The following ARB2A variants were observed in gnomAD, a reference collection of about 807,000 sequenced individuals.
The protein encoded by ARB2A is ARB2 cotranscriptional regulator A, also known as cotranscriptional regulator ARB2A.
the ARB2A span, among the ~76,000 whole-genome samples, chr5:93,634,378 G>C: frequency 6.7e-6 from 1 of 149,676 alleles, no homozygotes; most frequent in Non-Finnish European, 1.5e-5. Flanking sequence ...CCAGCCTGGT[G>C]AGAGTGAGAC....
the ARB2A span, among the ~76,000 whole-genome samples, chr5:93,949,902 C>A: frequency 3.3e-5 from 5 of 152,078 alleles, no homozygotes; most frequent in African/African-American, 9.7e-5. Context: ...TCAATAAATT[C>A]TCAGTTTTAT....
chr5:93,827,055 T>C, the ARB2A span, among the ~76,000 whole-genome samples: 7 of 152,214 alleles, frequency 4.6e-5, no homozygotes, highest in South Asian at 1.2e-3. Flanking sequence ...GCAATAAACA[T>C]ACAAGTGCAT....
At chr5:94,081,091 T>G in the ARB2A span, among the ~76,000 whole-genome samples, 1 of 152,222 alleles carries the variant, frequency 6.6e-6, no homozygotes. Context: ...AGATGCTCAA[T>G]ATCATTAGTC....
chr5:93,929,996 C>T, the ARB2A span, among the ~76,000 whole-genome samples: 1 of 152,136 alleles, frequency 6.6e-6, no homozygotes, highest in Non-Finnish European at 1.5e-5. Flanking sequence ...AAATGACACT[C>T]ACTTCAGCGC....
the ARB2A span, among the ~76,000 whole-genome samples, chr5:93,631,885 C>G: frequency 1.4e-3 from 206 of 152,202 alleles, 1 homozygote; most frequent in African/African-American, 4.8e-3. Context: ...CTCCTTATTT[C>G]AAAGCAAAAC....
At chr5:93,987,049 C>T in the ARB2A span, among the ~76,000 whole-genome samples, 1 of 151,806 alleles carries the variant, frequency 6.6e-6, no homozygotes, top group East Asian at 1.9e-4. Context: ...AAAAACTTAA[C>T]ATTAAGTATT....
chr5:93,740,722 G>C, the ARB2A span: 4 of 1,613,074 alleles, frequency 2.5e-6, no homozygotes, highest in South Asian at 4.4e-5. Context: ...AGGAGGCCCG[G>C]CTGTCCCCAC....
At chr5:93,674,263 CTGTTATCT>C in the ARB2A span, among the ~76,000 whole-genome samples, 1 of 152,200 alleles carries the variant, frequency 6.6e-6, no homozygotes, top group Non-Finnish European at 1.5e-5. Context: ...TCCAGTGTAG[CTGTTATCT>C]TCCTCAACAA....
At chr5:93,979,368 C>CTAATTTAGTATTA in the ARB2A span, among the ~76,000 whole-genome samples, 1 of 151,956 alleles carries the variant, frequency 6.6e-6, no homozygotes, top group East Asian at 1.9e-4. Context: ...TAGTATTACA[C>CTAATTTAGTATTA]CAGCACCATA....
the ARB2A span, among the ~76,000 whole-genome samples, chr5:93,662,718 G>A: frequency 1.3e-5 from 2 of 152,168 alleles, no homozygotes; most frequent in Admixed American, 6.5e-5. Context: ...CTCCAACTCT[G>A]TAGTGATGAT....
At chr5:94,068,191 G>C in the ARB2A span, among the ~76,000 whole-genome samples, 1 of 152,220 alleles carries the variant, frequency 6.6e-6, no homozygotes, top group South Asian at 2.1e-4. Flanking sequence ...CATGCGGTGA[G>C]TGTTATAGCT....
the ARB2A span, among the ~76,000 whole-genome samples, chr5:93,712,155 G>C: frequency 5.3e-5 from 8 of 152,256 alleles, no homozygotes; most frequent in East Asian, 1.5e-3. Flanking sequence ...TTACTAGCTT[G>C]GGGTGATTGA....
chr5:93,683,140 C>A, the ARB2A span: 1 of 1,480,420 alleles, frequency 6.8e-7, no homozygotes, highest in Non-Finnish European at 9.3e-7. Flanking sequence ...GTATAGATTT[C>A]TTCACTGGCG....
chr5:93,741,983 G>T, the ARB2A span, among the ~76,000 whole-genome samples: 1 of 152,064 alleles, frequency 6.6e-6, no homozygotes, highest in African/African-American at 2.4e-5. Flanking sequence ...GCCAGATATT[G>T]CTGGGACGAC....
chr5:93,752,762 A>T, the ARB2A span, among the ~76,000 whole-genome samples: 2 of 152,194 alleles, frequency 1.3e-5, no homozygotes, highest in African/African-American at 4.8e-5. Context: ...TCTTTAATTA[A>T]TAACTTTCTG....
chr5:93,652,691 A>G, the ARB2A span, among the ~76,000 whole-genome samples: 1 of 152,218 alleles, frequency 6.6e-6, no homozygotes, highest in Admixed American at 6.5e-5. Flanking sequence ...TAGGATATCA[A>G]CAGCTGCTGA....
At chr5:93,884,865 T>C in the ARB2A span, among the ~76,000 whole-genome samples, 4 of 151,506 alleles carry the variant, frequency 2.6e-5, no homozygotes, top group Admixed American at 2.6e-4. Flanking sequence ...AGTAAGAAAA[T>C]AAAGTTAACT....
At chr5:94,001,978 G>A in the ARB2A span, among the ~76,000 whole-genome samples, 1 of 152,156 alleles carries the variant, frequency 6.6e-6, no homozygotes, top group South Asian at 2.1e-4. Flanking sequence ...TTAGGTCTCA[G>A]TTTTTTACTG....
At chr5:93,887,441 A>G in the ARB2A span, among the ~76,000 whole-genome samples, 1 of 151,744 alleles carries the variant, frequency 6.6e-6, no homozygotes, top group South Asian at 2.1e-4. Context: ...TTTCTTGACC[A>G]TTTTATTAGT....
Sources: gnomAD v4.1 joint callset for allele counts (sites outside exome capture counted in the v4.1 genomes callset) on GRCh38, gnomAD v4.1.1 for gene constraint, MANE v1.5 for transcripts, NCBI Gene and HGNC (gene_info 2026-07-23, HGNC 2026-07-21) for gene names.